C15orf40: variants seen among roughly 807,000 people sequenced by gnomAD.
C15orf40 encodes UPF0235 protein C15orf40.
Under a neutral mutation model 13.9 loss-of-function variants are expected in C15orf40, and 9 were observed. The observed-to-expected ratio is 0.65, with a 90% confidence interval of 0.39 to 1.13. The LOEUF (loss-of-function observed/expected upper bound fraction) is 1.13, where lower values mean the gene tolerates loss of function less well. Ranked by LOEUF, C15orf40 falls within the 50% of genes most tolerant of loss-of-function variation. The probability of loss-of-function intolerance (pLI) is 0.01; values close to 1 mark genes in which losing one functional copy is unlikely to be tolerated. For missense variants in C15orf40, 225 were observed against 188.5 expected (o/e 1.19, Z -1.13); for synonymous variants, 95 against 69.2 (o/e 1.37, Z -1.85).
chr15:83,003,684 T>C lies in C15orf40; in HGVS notation c.*1913A>G, dbSNP rs1387920321. The C allele has an allele frequency of 6.6e-6, 1 of 152,234 alleles. No homozygotes were observed. The allele number at this position is 152,234 out of a possible 1,614,324, so 9.4% of individuals were successfully genotyped here. On this transcript the variant is annotated 3_prime_UTR_variant, in exon 4 of 4. Coordinates refer to ENST00000304177, the MANE Select transcript of C15orf40 (RefSeq NM_144597.3). ...CACATAAGCCACCTTTTCTTGCCCT[T>C]GATACCTATTTGGTACAAGTTAAGA...
Position 82,999,484 on chromosome 15 carries a change from A to T in C15orf40, c.*6113T>A, listed in dbSNP as rs1393871100. 3 of 152,156 alleles carry T rather than the reference A, an allele frequency of 2.0e-5. No homozygotes were observed. Among genetic ancestry groups the T allele is most frequent in the Non-Finnish European group, 4.4e-5 (3 of 68,054 alleles). 9.4% of individuals were successfully genotyped at this position (152,156 alleles called of 1,614,324 possible). A position where few individuals can be genotyped will look rare whatever the true frequency, so the allele number is the denominator to read the frequency against. Reference sequence around the variant, plus strand: ...GTGCTGGGATTACAAGCGTGAGCCAACATGGCCAGCCTTACCTTTTACTTT... The same window carrying T: ...GTGCTGGGATTACAAGCGTGAGCCATCATGGCCAGCCTTACCTTTTACTTT... On this transcript the variant is annotated 3_prime_UTR_variant, in exon 4 of 4. Transcript: ENST00000304177.
rs576477060 is a variant in C15orf40 at position 83,005,535 on chromosome 15, C to A, written c.*62G>T. The A allele has an allele frequency of 2.2e-5, 31 of 1,413,338 alleles. No homozygotes were observed. The highest frequency in any genetic ancestry group is 2.5e-5 in the Non-Finnish European group (26 of 1,045,136). 87.5% of individuals were successfully genotyped at this position (1,413,338 alleles called of 1,614,324 possible). ...CTGACCTCAGGTGATCCGCCCACCA[C>A]GGCCTCCCAAAGTGCTGGGATTACA... On this transcript the variant is annotated 3_prime_UTR_variant, in exon 4 of 4. Coordinates refer to ENST00000304177, the MANE Select transcript of C15orf40 (RefSeq NM_144597.3).
At position 83,005,433 on chromosome 15, in the gene C15orf40, C is replaced by T. The variant is rs150081881; in HGVS notation, c.*164G>A. On this transcript the variant is annotated 3_prime_UTR_variant, in exon 4 of 4. Transcript: ENST00000304177. The stretch of plus-strand genomic sequence containing the variant: ...CTGAGTAACTGGGATTACAGGCATG[C>T]GCCATCACATCTGGCTAATTTTGTA... The T allele has an allele frequency of 0.058, 38,054 of 656,864 alleles. 1,299 individuals carry two copies. The highest frequency in any genetic ancestry group is 0.09 in the Middle Eastern group (147 of 1,636). 40.7% of individuals were successfully genotyped at this position (656,864 alleles called of 1,614,324 possible).
chr15:82,989,740 T>C, downstream of C15orf40: 4 of 1,087,480 alleles, frequency 3.7e-6, no homozygotes, highest in Non-Finnish European at 5.2e-6. Context: ...TAACTGGCAC[T>C]ATAACATTCT....
rs1281305252 is a variant in C15orf40 at position 83,000,139 on chromosome 15, ATGATGAT to A, written c.*5451_*5457del. 1.3e-5 allele frequency: 2 copies of A among 152,262 alleles called. No homozygotes were observed. The highest frequency in any genetic ancestry group is 2.9e-5 in the Non-Finnish European group (2 of 68,092). 9.4% of individuals were successfully genotyped at this position (152,262 alleles called of 1,614,324 possible). A position where few individuals can be genotyped will look rare whatever the true frequency, so the allele number is the denominator to read the frequency against. Reference sequence around the variant, plus strand: ...TCCAGGCTCTCCAAGCAGCCTTCAAATGATGATTCTCTTAAAGAGATTTCCCAAAGGG... The same window carrying A: ...TCCAGGCTCTCCAAGCAGCCTTCAAATCTCTTAAAGAGATTTCCCAAAGGG... On this transcript the variant is annotated 3_prime_UTR_variant, in exon 4 of 4. Coordinates refer to ENST00000304177, the MANE Select transcript of C15orf40 (RefSeq NM_144597.3).
downstream of C15orf40, chr15:82,989,784 T>C: frequency 7.2e-7 from 1 of 1,396,904 alleles, no homozygotes; most frequent in East Asian, 2.5e-5. Context: ...TTATTTATTG[T>C]GTATTAGAAT....
downstream of C15orf40, chr15:82,994,807 T>C (rs1048282757): frequency 1.3e-5 from 2 of 152,182 alleles, no homozygotes; most frequent in African/African-American, 4.8e-5. Flanking sequence ...TGAAAAATTA[T>C]ATAAGGTACT....
Position 83,004,793 on chromosome 15 carries a change from A to C in C15orf40, c.*804T>G, listed in dbSNP as rs139652102. The C allele has an allele frequency of 1.6e-4, 182 of 1,172,946 alleles. 2 individuals are homozygous for C. In the East Asian group the frequency reaches 8.0e-3, roughly 52 times the overall value. 72.7% of individuals were successfully genotyped at this position (1,172,946 alleles called of 1,614,324 possible). ...ATCTAAGGTAAGACTACAAAGCAGC[A>C]TAACAGGTTTTCTGTCACTTGTAAA... On this transcript the variant is annotated 3_prime_UTR_variant, in exon 4 of 4. Transcript: ENST00000304177.
chr15:82,992,159 C>T (rs2030890034), downstream of C15orf40: 5 of 363,840 alleles, frequency 1.4e-5, no homozygotes, highest in East Asian at 7.3e-5. Flanking sequence ...TTCAAGACTA[C>T]AGTGAGCTAG....
rs973246438 is a variant in C15orf40 at position 83,005,138 on chromosome 15, C to CTT, written c.*457_*458dup. ...TTAGAACCTGATGCAATGTATAGCA[C>CTT]TTTTTAAATTTCTACTTTTTGGAGT... On this transcript the variant is annotated 3_prime_UTR_variant, in exon 4 of 4. Transcript: ENST00000304177. The CTT allele has an allele frequency of 9.3e-7, 1 of 1,073,490 alleles. No homozygotes were observed. Among genetic ancestry groups the CTT allele is most frequent in the African/African-American group, 1.7e-5 (1 of 59,864 alleles). 66.5% of individuals were successfully genotyped at this position (1,073,490 alleles called of 1,614,324 possible). A position where few individuals can be genotyped will look rare whatever the true frequency, so the allele number is the denominator to read the frequency against.
chr15:82,990,878 C>T (rs2030829753), downstream of C15orf40: 1 of 469,964 alleles, frequency 2.1e-6, no homozygotes, highest in Non-Finnish European at 3.8e-6. Flanking sequence ...TTAATGTGGG[C>T]TGATTTTACA....
chr15:83,011,410 A>G, intron 1 of C15orf40, 87 bp downstream of exon 1: 1 of 1,399,300 alleles, frequency 7.1e-7, no homozygotes, highest in Non-Finnish European at 9.5e-7. Context: ...CAGTGCCTCC[A>G]CTCACTCCCG....
In C15orf40 at chr15:82,997,420, C is replaced by A. The variant is rs1285387027; in HGVS notation, c.*8177G>T. On this transcript the variant is annotated 3_prime_UTR_variant, in exon 4 of 4. Transcript: ENST00000304177. ...GTGATGACTCTTAACGAGCATGCTGCCTTCAAGCATCTGTTTAACAAAGCA... is the reference window on the plus strand; with the variant it reads ...GTGATGACTCTTAACGAGCATGCTGACTTCAAGCATCTGTTTAACAAAGCA... 3 of 142,028 alleles carry A rather than the reference C, an allele frequency of 2.1e-5. No homozygotes were observed. The highest frequency in any genetic ancestry group is 7.1e-5 in the Admixed American group (1 of 14,026). 8.8% of individuals were successfully genotyped at this position (142,028 alleles called of 1,614,324 possible). A position where few individuals can be genotyped will look rare whatever the true frequency, so the allele number is the denominator to read the frequency against.
rs2031170559 is a variant in C15orf40, at chr15:82,997,735, GTGGTGGC to G, written c.*7855_*7861del. On this transcript the variant is annotated 3_prime_UTR_variant, in exon 4 of 4. Transcript: ENST00000304177. ...CTGTTGGGCACACCTCCCAGACGGG[GTGGTGGC>G]CGGGCAGAGGGGCTCCTCACTTCCC... 3 of 157,468 alleles carry G rather than the reference GTGGTGGC, an allele frequency of 1.9e-5. No individual in the cohort carries two copies. The highest frequency in any genetic ancestry group is 4.2e-4 in the East Asian group (2 of 4,740). The allele number at this position is 157,468 out of a possible 1,614,324, so 9.8% of individuals were successfully genotyped here.
chr15:82,992,738 C>A (rs1377612810), downstream of C15orf40, among the ~76,000 whole-genome samples: 1 of 152,064 alleles, frequency 6.6e-6, no homozygotes, highest in Admixed American at 6.6e-5. Context: ...GTTTTAACAC[C>A]CAACACAGCT....
At chr15:82,989,590 A>G (rs1412241180), downstream of C15orf40, among the ~76,000 whole-genome samples, 1 of 152,212 alleles carries the variant, frequency 6.6e-6, no homozygotes, top group Non-Finnish European at 1.5e-5. Context: ...GGAATAAATT[A>G]CCATACCATT....
intron 1 of C15orf40, chr15:83,010,670 C>T (rs1353783628): frequency 3.7e-6 from 1 of 268,778 alleles, no homozygotes; most frequent in Non-Finnish European, 7.1e-6. Context: ...GGGCAGGGAT[C>T]ATTTATTATT....
chr15:82,990,155 C>CT (rs1343670936), downstream of C15orf40: 8 of 520,274 alleles, frequency 1.5e-5, no homozygotes, highest in Non-Finnish European at 2.1e-5. Flanking sequence ...AGTTTTACAT[C>CT]TGATTTTACA....
At chr15:83,008,314 T>C in intron 3 of C15orf40, 1 of 425,812 alleles carries the variant, frequency 2.3e-6, no homozygotes, top group Non-Finnish European at 4.3e-6. Context: ...AGGTCAGGAG[T>C]TCAAGACCAG....
Sources: gnomAD v4.1 joint callset for allele counts (sites outside exome capture counted in the v4.1 genomes callset) on GRCh38, gnomAD v4.1.1 for gene constraint, MANE v1.5 for transcripts, NCBI Gene and HGNC (gene_info 2026-07-23, HGNC 2026-07-21) for gene names.